ARRB2: variants seen among roughly 807,000 people sequenced by gnomAD.
ARRB2 encodes the protein beta-arrestin-2.
ARRB2 carries 21 observed loss-of-function variants against 53.4 expected under a neutral mutation model. The observed-to-expected ratio is 0.39, with a 90% confidence interval of 0.28 to 0.57. ARRB2 has a LOEUF of 0.57. ARRB2 is among the 20% of genes least tolerant of loss of function. ARRB2 has a pLI of 0.55. For missense variants in ARRB2, 369 were observed against 527.5 expected (o/e 0.70, Z 2.94); for synonymous variants, 180 against 212.9 (o/e 0.85, Z 1.34).
At chr17:4,720,116 G>T in intron 11 of ARRB2, 100 bp from the exon 12 acceptor site, 2 of 1,258,040 alleles carry the variant, frequency 1.6e-6, no homozygotes, top group Non-Finnish European at 2.3e-6. Flanking sequence ...GGGGGCCTGT[G>T]CGAGTTTGTG....
chr17:4,720,137 G>C, intron 11 of ARRB2, 79 bp from the exon 12 acceptor site: 1 of 1,456,616 alleles, frequency 6.9e-7, no homozygotes, highest in South Asian at 1.2e-5. Context: ...GTCCTGCCCA[G>C]AGTCCCCGTG....
chr17:4,710,826 G>A, intron 1 of ARRB2, 82 bp downstream of exon 1: 1 of 397,788 alleles, frequency 2.5e-6, no homozygotes, highest in Non-Finnish European at 4.4e-6. Context: ...AGGGCGCAGC[G>A]GAGAGGATCT....
intron 5 of ARRB2, chr17:4,716,836 T>C: frequency 1.3e-6 from 1 of 780,572 alleles, no homozygotes; most frequent in Non-Finnish European, 2.0e-6. Context: ...TTCTCCAGCC[T>C]CTTTTTTGTT....
chr17:4,718,534 C>T (rs911799994), intron 9 of ARRB2, 78 bp from the exon 10 acceptor site: 50 of 1,477,366 alleles, frequency 3.4e-5, no homozygotes, highest in Non-Finnish European at 4.1e-5. Context: ...GGGGGGGCCA[C>T]GCCACGGGGT....
intron 8 of ARRB2, 52 bp downstream of exon 8, chr17:4,718,075 G>A: frequency 6.2e-7 from 1 of 1,607,688 alleles, no homozygotes; most frequent in Non-Finnish European, 8.5e-7. Flanking sequence ...AGACCCTGGG[G>A]GAGGGGCGAA....
At position 4,715,039 on chromosome 17, in the gene ARRB2, G is replaced by A. The variant is rs1185548642; in HGVS notation, c.50G>A (p.Cys17Tyr). The A allele has an allele frequency of 6.2e-7, 1 of 1,605,944 alleles. No individual in the cohort carries two copies. The highest frequency in any genetic ancestry group is 8.5e-7 in the Non-Finnish European group (1 of 1,176,026). ...TRVFKKSSPN[C>Y]KLTVYLGKRD... Reference sequence around the variant, plus strand: ...GTCTTCAAGAAGTCGAGCCCTAACTGCAAGGTGAGTCTCCACAGCACTTAC... The same window carrying A: ...GTCTTCAAGAAGTCGAGCCCTAACTACAAGGTGAGTCTCCACAGCACTTAC... The change falls in exon 2 of 15, where the codon TGC becomes TAC. Residue 17 changes from cysteine (C) to tyrosine (Y), a missense_variant. Coordinates refer to ENST00000269260, the MANE Select transcript of ARRB2 (RefSeq NM_004313.4).
intron 1 of ARRB2, among the ~76,000 whole-genome samples, chr17:4,711,167 G>T (rs1036821302): frequency 2.0e-4 from 31 of 152,062 alleles, no homozygotes; most frequent in African/African-American, 6.5e-4. Context: ...TATCCCCCAG[G>T]TAGTCGCGCT....
chr17:4,712,200 T>C (rs1176222000), intron 1 of ARRB2, among the ~76,000 whole-genome samples: 1 of 152,212 alleles, frequency 6.6e-6, no homozygotes, highest in East Asian at 1.9e-4. Flanking sequence ...GCCACGGCAC[T>C]CAGCTCCCAA....
chr17:4,720,127 G>A, intron 11 of ARRB2, 89 bp from the exon 12 acceptor site: 1 of 1,391,396 alleles, frequency 7.2e-7, no homozygotes, highest in Non-Finnish European at 1.0e-6. Flanking sequence ...CGAGTTTGTG[G>A]TCCTGCCCAG....
intron 11 of ARRB2, among the ~76,000 whole-genome samples, chr17:4,719,984 C>T (rs915503968): frequency 3.9e-5 from 6 of 152,172 alleles, no homozygotes; most frequent in Non-Finnish European, 8.8e-5. Flanking sequence ...GAGAGCCAGA[C>T]GGTGCAAGGC....
chr17:4,717,729 A>G lies in ARRB2; in HGVS notation c.462A>G (p.Ser154=). 1 of 1,613,590 alleles carries G rather than the reference A, an allele frequency of 6.2e-7. No individual in the cohort carries two copies. The highest frequency in any genetic ancestry group is 8.5e-7 in the Non-Finnish European group (1 of 1,179,828). Residue 154 remains serine, a synonymous_variant, in exon 7 of 15, where the codon TCA becomes TCG. Transcript: ENST00000269260. The surrounding 1 kb of genome is among the most constrained non-coding windows in gnomAD (Gnocchi z 6.0). Reference sequence around the variant, plus strand: ...AGATTCGAGCCTTCTGTGCTAAATCACTAGAAGAGAAAAGCCACAAAAGGT... The same window carrying G: ...AGATTCGAGCCTTCTGTGCTAAATCGCTAGAAGAGAAAAGCCACAAAAGGT... The part of the protein sequence containing the change: ...DFEIRAFCAK[S]LEEKSHKRNS...
intron 10 of ARRB2, 117 bp downstream of exon 10, chr17:4,718,801 A>C: frequency 2.0e-6 from 2 of 980,222 alleles, no homozygotes; most frequent in Non-Finnish European, 2.9e-6. Flanking sequence ...TTTTTTTGAG[A>C]TGGAGTTTTT....
Position 4,718,647 on chromosome 17 carries a change from G to A in ARRB2, c.742G>A (p.Ala248Thr), listed in dbSNP as rs772243126. 8 of 1,613,608 alleles carry A rather than the reference G, an allele frequency of 5.0e-6. No individual in the cohort carries two copies. The African/African-American group carries it at 6.7e-5, about 13-fold the overall frequency. ...QYADICLFST[A>T]QYKCPVAQLE... The stretch of plus-strand genomic sequence containing the variant: ...CGCCGACATCTGCCTCTTCAGCACC[G>A]CCCAGTACAAGTGTCCTGTGGCTCA... Residue 248 changes from alanine to threonine, a missense_variant, in exon 10 of 15, where the codon GCC (alanine) becomes ACC (threonine). Coordinates refer to ENST00000269260, the MANE Select transcript of ARRB2 (RefSeq NM_004313.4).
At chr17:4,719,054 G>A (rs112488682) in intron 10 of ARRB2, among the ~76,000 whole-genome samples, 18 of 152,278 alleles carry the variant, frequency 1.2e-4, no homozygotes, top group African/African-American at 4.3e-4. Flanking sequence ...GATTACAGGC[G>A]TGAGCCGCCG....
Position 4,716,516 on chromosome 17 carries a change from C to G in ARRB2, c.265C>G (p.Pro89Ala). 1 of 1,613,390 alleles carries G rather than the reference C, an allele frequency of 6.2e-7. No individual in the cohort carries two copies. The highest frequency in any genetic ancestry group is 8.5e-7 in the Non-Finnish European group (1 of 1,179,936). ...GTTCATCGCCACCTACCAGGCCTTC[C>G]CCCCGGTGCCCAACCCACCCCGGCC... ...DLFIATYQAFPPVPNPPRPPT... is the reference protein window; with the variant it reads ...DLFIATYQAFAPVPNPPRPPT... Residue 89 changes from proline (P) to alanine (A), a missense_variant, in exon 5 of 15, where the codon CCC becomes GCC. By Grantham distance (27) the Pro-to-Ala change is conservative. Transcript: ENST00000269260.
chr17:4,711,675 A>G (rs1488013285), intron 1 of ARRB2, among the ~76,000 whole-genome samples: 1 of 152,182 alleles, frequency 6.6e-6, no homozygotes, highest in Non-Finnish European at 1.5e-5. Flanking sequence ...AGCATCAGAA[A>G]GAGATCATCA....
chr17:4,718,752 G>A (rs981057898), intron 10 of ARRB2, 68 bp downstream of exon 10: 5 of 1,444,554 alleles, frequency 3.5e-6, no homozygotes, highest in East Asian at 2.3e-5. Context: ...ATGTGAGGTG[G>A]AGGAAGAATT....
chr17:4,719,024 G>A (rs373820954), intron 10 of ARRB2, among the ~76,000 whole-genome samples: 17 of 152,218 alleles, frequency 1.1e-4, no homozygotes, highest in African/African-American at 3.6e-4. Flanking sequence ...CCCACCCGTC[G>A]CGGCCTCTCA....
intron 11 of ARRB2, 49 bp downstream of exon 11, chr17:4,719,469 C>G (rs746768083): frequency 6.2e-7 from 1 of 1,600,090 alleles, no homozygotes; most frequent in Non-Finnish European, 8.5e-7. Context: ...GGCCAGACGT[C>G]GGTTCAGTGC....
Sources: allele counts gnomAD v4.1 joint callset (sites outside exome capture counted in the v4.1 genomes callset), GRCh38; gene constraint gnomAD v4.1.1; non-coding constraint Gnocchi (gnomAD v3.1); transcripts MANE v1.5; gene names NCBI Gene and HGNC (gene_info 2026-07-23, HGNC 2026-07-21).